Variants in HIVEP2 observed in about 807,000 individuals in gnomAD.
HIVEP2 encodes the protein HIVEP zinc finger 2, also known as transcription factor HIVEP2.
A neutral mutation model predicts 180.7 loss-of-function variants in HIVEP2; 14 were observed. The ratio of observed to expected loss-of-function variants is 0.08; its 90% CI spans 0.05 to 0.12. The LOEUF (loss-of-function observed/expected upper bound fraction) is 0.12. HIVEP2 is among the 10% of genes least tolerant of loss of function. The probability of loss-of-function intolerance (pLI) is 1.00; values close to 1 mark genes in which losing one functional copy is unlikely to be tolerated. For synonymous variants in HIVEP2, 1,184 were observed against 1,136.4 expected, an observed-to-expected ratio of 1.04 and a Z score of -0.84; for missense variants, 2,579 against 3,008.5, an observed-to-expected ratio of 0.86 and a Z score of 3.34.
intron 3 of HIVEP2, among the ~76,000 whole-genome samples, chr6:142,782,324 A>G (rs1428724898): frequency 1.3e-5 from 2 of 152,190 alleles, no homozygotes; most frequent in Admixed American, 6.5e-5. Context: ...AAATACATGA[A>G]CATCTCGGGG....
chr6:142,884,760 C>T (rs1384470998), intron 1 of HIVEP2, among the ~76,000 whole-genome samples: 2 of 152,132 alleles, frequency 1.3e-5, no homozygotes, highest in African/African-American at 4.8e-5. Flanking sequence ...GCTGCTGATG[C>T]TAGTGACTAA....
chr6:142,783,550 A>G lies in HIVEP2; in HGVS notation c.-462T>C, dbSNP rs1775910984. 6.6e-6 allele frequency: 1 copy of G among 152,148 alleles called. No homozygotes were observed. Among genetic ancestry groups the G allele is most frequent in the Non-Finnish European group, 1.5e-5 (1 of 68,010 alleles). The allele number at this position is 152,148 out of a possible 1,614,324, so 9.4% of individuals were successfully genotyped here. On this transcript the variant is annotated 5_prime_UTR_variant, in exon 3 of 10. It removes the in-frame stop codon of an upstream open reading frame in the 5' UTR. Coordinates refer to ENST00000367603, the MANE Select transcript of HIVEP2 (RefSeq NM_006734.4). ...TATCCTCATATCAAAAAACTGCATC[A>G]CAACCGTCTTTGATTTCCAAGATGC...
intron 1 of HIVEP2, among the ~76,000 whole-genome samples, chr6:142,930,358 T>TA (rs1266889257): frequency 6.6e-6 from 1 of 152,248 alleles, no homozygotes; most frequent in Non-Finnish European, 1.5e-5. Flanking sequence ...TTGGTTCCTA[T>TA]AGAACCCTTT....
intron 2 of HIVEP2, among the ~76,000 whole-genome samples, chr6:142,804,595 A>C (rs1776499185): frequency 6.6e-6 from 1 of 152,154 alleles, no homozygotes; most frequent in African/African-American, 2.4e-5. Flanking sequence ...TGCTTGGAAA[A>C]ACAAATGCCA....
rs202211977 is a variant in HIVEP2 at position 142,769,926 on chromosome 6, C to T, written c.4813G>A (p.Val1605Ile). 5 of 1,613,960 alleles carry T rather than the reference C, an allele frequency of 3.1e-6. No individual in the cohort carries two copies. Among genetic ancestry groups the T allele is most frequent in the African/African-American group, 2.7e-5 (2 of 74,944 alleles). ...EEEGKGHKRP[V>I]GMLVRMASAP... ...GAGGCCATGCGGACCAGCATGCCAACAGGCCGCTTGTGGCCCTTCCCTTCC... is the reference window on the plus strand; with the variant it reads ...GAGGCCATGCGGACCAGCATGCCAATAGGCCGCTTGTGGCCCTTCCCTTCC... Residue 1605 changes from valine to isoleucine, a missense_variant, in exon 5 of 10, where the codon GTT becomes ATT. Transcript: ENST00000367603.
chr6:142,890,092 A>G (rs1391717301), intron 1 of HIVEP2, among the ~76,000 whole-genome samples: 1 of 152,168 alleles, frequency 6.6e-6, no homozygotes, highest in African/African-American at 2.4e-5. Flanking sequence ...ATTAGGGTCT[A>G]TCTATGTCTT....
intron 2 of HIVEP2, among the ~76,000 whole-genome samples, chr6:142,833,433 A>T (rs957284435): frequency 6.6e-6 from 1 of 152,212 alleles, no homozygotes; most frequent in Non-Finnish European, 1.5e-5. Flanking sequence ...CTATACTGCA[A>T]ACTGAAGGAG....
In HIVEP2 at chr6:142,802,654, T is replaced by C. The variant is rs114646607; in HGVS notation, c.-527-19039A>G. Among the ~76,000 whole-genome samples the C allele has an allele frequency of 9.5e-3, 1,450 of 152,136 alleles. 33 individuals carry two copies. The highest frequency in any genetic ancestry group is 0.033 in the African/African-American group (1,381 of 41,520). ...CCAATTTTAAGGATGAAAAATGACA[T>C]TGCTAAAAGAAAAAAGAAAAGCATC... On this transcript the variant is annotated intron_variant, in intron 2 of 9. Coordinates refer to ENST00000367603, the MANE Select transcript of HIVEP2 (RefSeq NM_006734.4).
chr6:142,760,816 T>C, intron 8 of HIVEP2, 149 bp from the exon 9 acceptor site: 1 of 612,552 alleles, frequency 1.6e-6, no homozygotes, highest in South Asian at 2.1e-5. Context: ...ATGAGGCACT[T>C]ACCTGTGTGA....
At chr6:142,832,314 T>C (rs1223351896) in intron 2 of HIVEP2, among the ~76,000 whole-genome samples, 1 of 152,124 alleles carries the variant, frequency 6.6e-6, no homozygotes, top group East Asian at 1.9e-4. Context: ...TCACCATTTT[T>C]AAGAATAAAG....
intron 1 of HIVEP2, among the ~76,000 whole-genome samples, chr6:142,886,494 T>C (rs1201591132): frequency 6.6e-6 from 1 of 152,220 alleles, no homozygotes; most frequent in Admixed American, 6.6e-5. Context: ...TATCTAAAAA[T>C]GTTCCCTTTC....
intron 1 of HIVEP2, among the ~76,000 whole-genome samples, chr6:142,889,649 T>C (rs751094056): frequency 3.9e-5 from 6 of 152,228 alleles, no homozygotes; most frequent in Non-Finnish European, 7.3e-5. Context: ...AATGGTGTTA[T>C]GGCAAATGGA....
At chr6:142,806,885 C>A (rs369078706) in intron 2 of HIVEP2, among the ~76,000 whole-genome samples, 3 of 152,136 alleles carry the variant, frequency 2.0e-5, no homozygotes, top group African/African-American at 7.2e-5. Context: ...TGTCCAGGAT[C>A]CACGGTCCCT....
At chr6:142,861,666 A>T (rs1775982595) in intron 1 of HIVEP2, among the ~76,000 whole-genome samples, 1 of 152,218 alleles carries the variant, frequency 6.6e-6, no homozygotes, top group Non-Finnish European at 1.5e-5. Context: ...CAAATCATCA[A>T]GTAAATGCCC....
intron 1 of HIVEP2, among the ~76,000 whole-genome samples, chr6:142,871,245 A>G (rs972656490): frequency 2.0e-5 from 3 of 152,202 alleles, no homozygotes; most frequent in Admixed American, 6.5e-5. Context: ...CAGGTTACAG[A>G]ATGCTTCCAT....
intron 2 of HIVEP2, 53 bp from the exon 3 acceptor site, chr6:142,783,668 A>G (rs1248789212): frequency 6.6e-6 from 1 of 152,182 alleles, no homozygotes; most frequent in East Asian, 1.9e-4. Flanking sequence ...AATGAATTTA[A>G]TAAGCACGCT....
rs538263762 is a variant in HIVEP2 at position 142,836,518 on chromosome 6, T to C, written c.-528+417A>G. Among the ~76,000 whole-genome samples, 14 of 152,246 alleles carry C rather than the reference T, an allele frequency of 9.2e-5. No individual in the cohort carries two copies. In the South Asian group the frequency reaches 2.7e-3, roughly 29 times the overall value. Reference sequence around the variant, plus strand: ...CATGATTTCTATAAAATGAGAATGGTTTAAAATACAGAAAGATGCTAATTT... The same window carrying C: ...CATGATTTCTATAAAATGAGAATGGCTTAAAATACAGAAAGATGCTAATTT... On this transcript the variant is annotated intron_variant, in intron 2 of 9. Coordinates refer to ENST00000367603, the MANE Select transcript of HIVEP2 (RefSeq NM_006734.4).
chr6:142,755,873 C>T (rs1029648622), intron 9 of HIVEP2, among the ~76,000 whole-genome samples: 1 of 152,184 alleles, frequency 6.6e-6, no homozygotes, highest in Admixed American at 6.5e-5. Flanking sequence ...GGCATTTCTA[C>T]ACATCCTCTC....
intron 1 of HIVEP2, among the ~76,000 whole-genome samples, chr6:142,868,803 G>A (rs2128410411): frequency 6.6e-6 from 1 of 152,190 alleles, no homozygotes; most frequent in Non-Finnish European, 1.5e-5. Flanking sequence ...ATTATATTAT[G>A]GTAAATAAGG....
Sources: gnomAD v4.1 joint callset for allele counts (sites outside exome capture counted in the v4.1 genomes callset) on GRCh38, gnomAD v4.1.1 for gene constraint, MANE v1.5 for transcripts, NCBI Gene and HGNC (gene_info 2026-07-23, HGNC 2026-07-21) for gene names.